The following ROBO2 variants were observed in gnomAD, a reference collection of about 807,000 sequenced individuals.
ROBO2 encodes the protein roundabout homolog 2.
ROBO2 carries 53 observed loss-of-function variants against 160.8 expected under a neutral mutation model. The observed-to-expected ratio is 0.33, with a 90% CI of 0.26 to 0.41. The LOEUF (loss-of-function observed/expected upper bound fraction) is 0.41. ROBO2 is among the 10% of genes least tolerant of loss of function. The pLI, the probability that ROBO2 is intolerant of heterozygous loss-of-function variation, is 1.00. For missense variants in ROBO2, 1,577 were observed against 1,722.4 expected, an observed-to-expected ratio of 0.92 and a Z score of 1.49; for synonymous variants, 664 against 611.7, an observed-to-expected ratio of 1.09 and a Z score of -1.26.
At chr3:76,285,780 T>G (rs2107684358) in intron 2 of ROBO2, among the ~76,000 whole-genome samples, 1 of 152,310 alleles carries the variant, frequency 6.6e-6, no homozygotes, top group Non-Finnish European at 1.5e-5. Flanking sequence ...AAATTTTCTT[T>G]CCTTTCATGT....
intron 2 of ROBO2, among the ~76,000 whole-genome samples, chr3:77,277,757 G>A (rs2059985310): frequency 6.6e-6 from 1 of 152,104 alleles, no homozygotes; most frequent in Non-Finnish European, 1.5e-5. Context: ...GTGCTGCAAT[G>A]AGCATACATG....
chr3:76,108,926 T>A (rs768898640), intron 2 of ROBO2, among the ~76,000 whole-genome samples: 29 of 150,066 alleles, frequency 1.9e-4, no homozygotes, highest in Non-Finnish European at 4.0e-4. Flanking sequence ...TTACTATTAA[T>A]GTATTGATTT....
At chr3:76,557,165 C>T (rs926632218) in intron 2 of ROBO2, among the ~76,000 whole-genome samples, 1 of 152,072 alleles carries the variant, frequency 6.6e-6, no homozygotes, top group Non-Finnish European at 1.5e-5. Flanking sequence ...AAGCTGCTCA[C>T]TCTATAAGAT....
At chr3:76,427,022 G>A (rs764726930) in intron 2 of ROBO2, among the ~76,000 whole-genome samples, 1 of 152,106 alleles carries the variant, frequency 6.6e-6, no homozygotes, top group Non-Finnish European at 1.5e-5. Context: ...TGAATATGTT[G>A]TGCCGTGCTA....
At chr3:76,812,739 T>C (rs2065300961) in intron 2 of ROBO2, among the ~76,000 whole-genome samples, 1 of 151,930 alleles carries the variant, frequency 6.6e-6, no homozygotes, top group Non-Finnish European at 1.5e-5. Flanking sequence ...AAAATATTAA[T>C]AGATATCCTG....
intron 1 of ROBO2, among the ~76,000 whole-genome samples, chr3:77,046,626 A>G (rs2064697579): frequency 6.6e-6 from 1 of 152,208 alleles, no homozygotes; most frequent in Non-Finnish European, 1.5e-5. Flanking sequence ...AGCAGAAACT[A>G]GACTCCAGGG....
chr3:77,216,492 G>A (rs756603795), intron 2 of ROBO2, among the ~76,000 whole-genome samples: 1 of 152,224 alleles, frequency 6.6e-6, no homozygotes, highest in African/African-American at 2.4e-5. Flanking sequence ...TCTCTGACTA[G>A]GAAAGGGAAC....
At chr3:76,954,567 CTT>C (rs1403063337) in intron 2 of ROBO2, among the ~76,000 whole-genome samples, 1 of 152,094 alleles carries the variant, frequency 6.6e-6, no homozygotes, top group Non-Finnish European at 1.5e-5. Flanking sequence ...TGAAGAGAAA[CTT>C]TAAAATGATG....
At chr3:77,450,820 G>A (rs963803497) in intron 2 of ROBO2, among the ~76,000 whole-genome samples, 6 of 152,054 alleles carry the variant, frequency 3.9e-5, no homozygotes, top group Non-Finnish European at 5.9e-5. Context: ...ATGCAGAATC[G>A]TACTTTGAGA....
intron 2 of ROBO2, among the ~76,000 whole-genome samples, chr3:77,102,462 C>T (rs2150110220): frequency 6.6e-6 from 1 of 152,210 alleles, no homozygotes; most frequent in Non-Finnish European, 1.5e-5. Flanking sequence ...AGTTGAGAAC[C>T]ACTGACCTAG....
intron 22 of ROBO2, 177 bp downstream of exon 23, chr3:77,617,950 AAACTAGAACTAG>A (rs11279805): frequency 2.4e-5 from 16 of 674,710 alleles, no homozygotes; most frequent in African/African-American, 1.1e-4. Context: ...AATTTGGCCA[AAACTAGAACTAG>A]AACTAGAACT....
At chr3:77,380,472 T>G (rs9814818) in intron 2 of ROBO2, among the ~76,000 whole-genome samples, 29 of 152,184 alleles carry the variant, frequency 1.9e-4, no homozygotes, top group African/African-American at 6.5e-4. Context: ...ATTTTTGAAA[T>G]TATGCAAAGA....
intron 2 of ROBO2, among the ~76,000 whole-genome samples, chr3:75,981,891 A>G (rs747678990): frequency 1.4e-4 from 21 of 151,258 alleles, no homozygotes; most frequent in Admixed American, 2.0e-4. Context: ...CCTATTAACA[A>G]TCTCCACCCT....
intron 21 of ROBO2, among the ~76,000 whole-genome samples, chr3:77,617,125 A>G (rs909822911): frequency 3.4e-5 from 2 of 58,608 alleles, no homozygotes; most frequent in African/African-American, 3.3e-4. Context: ...CGATATTGGC[A>G]TGTAATGGTG....
At chr3:76,735,299 AGCTGTAG>A (rs1327747788) in intron 2 of ROBO2, among the ~76,000 whole-genome samples, 4 of 152,226 alleles carry the variant, frequency 2.6e-5, no homozygotes. Flanking sequence ...ACATGGGTGC[AGCTGTAG>A]GCCGTAATCT....
At chr3:77,337,704 A>G (rs9818075) in intron 2 of ROBO2, among the ~76,000 whole-genome samples, 77,997 of 151,970 alleles carry the variant, frequency 0.51, 20,760 homozygotes, top group Non-Finnish European at 0.6. Context: ...ACACGACAAA[A>G]CTAACTGATT....
intron 2 of ROBO2, among the ~76,000 whole-genome samples, chr3:77,259,512 A>T (rs1336375102): frequency 1.3e-5 from 2 of 152,182 alleles, no homozygotes; most frequent in Non-Finnish European, 2.9e-5. Flanking sequence ...ATTACAGCTG[A>T]ACGAAAGTAC....
intron 2 of ROBO2, among the ~76,000 whole-genome samples, chr3:76,456,245 C>T (rs2077744662): frequency 6.6e-6 from 1 of 152,196 alleles, no homozygotes; most frequent in East Asian, 1.9e-4. Context: ...AAAGATAAAA[C>T]TCCCATTAAA....
chr3:76,200,970 C>G (rs1423680588), intron 2 of ROBO2, among the ~76,000 whole-genome samples: 1 of 152,122 alleles, frequency 6.6e-6, no homozygotes, highest in Admixed American at 6.6e-5. Context: ...GTTTGTGGAG[C>G]ATGAAATCAT....
Sources: allele counts gnomAD v4.1 joint callset (sites outside exome capture counted in the v4.1 genomes callset), GRCh38; gene constraint gnomAD v4.1.1; transcripts MANE v1.5; gene names NCBI Gene and HGNC (gene_info 2026-07-23, HGNC 2026-07-21).